Variants in UST observed in about 807,000 individuals in gnomAD.
The protein encoded by UST is chondroitin sulfate 2-O-sulfotransferase.
A neutral mutation model predicts 45.6 loss-of-function variants in UST; 21 were observed. The observed-to-expected ratio is 0.46, with a 90% CI of 0.33 to 0.66. The LOEUF (loss-of-function observed/expected upper bound fraction) is 0.66. Among genes scored for constraint, UST ranks in the 30% least tolerant of loss-of-function variants. The pLI is 0.02. For synonymous variants in UST, 215 were observed against 200.6 expected, an observed-to-expected ratio of 1.07 and a Z score of -0.61; for missense variants, 463 against 512.4, an observed-to-expected ratio of 0.90 and a Z score of 0.93.
rs192379525 is a variant in UST at position 148,979,210 on chromosome 6, G to A, written c.681+14647G>A. On this transcript the variant is annotated intron_variant, in intron 5 of 7. Transcript: ENST00000367463. ...AGGTTTCTGGACTGGATGTTGTCTT[G>A]TGTCCTTTCCCATGGGTGTGGTTTC... Among the ~76,000 whole-genome samples the A allele has an allele frequency of 5.2e-3, 796 of 152,218 alleles. 11 individuals carry two copies. The highest frequency in any genetic ancestry group is 0.018 in the African/African-American group (745 of 41,514).
intron 2 of UST, among the ~76,000 whole-genome samples, chr6:148,933,375 C>A (rs183999776): frequency 8.2e-4 from 125 of 152,238 alleles, no homozygotes; most frequent in Admixed American, 2.4e-3. Flanking sequence ...AACAGATAGA[C>A]CCAGATGGAC....
At chr6:149,039,211 A>G (rs1359396921) in intron 7 of UST, among the ~76,000 whole-genome samples, 1 of 152,068 alleles carries the variant, frequency 6.6e-6, no homozygotes, top group East Asian at 1.9e-4. Context: ...TGTGATGTAT[A>G]TACATATTTC....
rs142427063 is a variant in UST, at chr6:148,794,625, T to C, written c.247+46948T>C. Among the ~76,000 whole-genome samples the C allele has an allele frequency of 2.0e-5, 3 of 152,324 alleles. No individual in the cohort carries two copies. In the East Asian group the frequency reaches 5.8e-4, roughly 29 times the overall value. ...CAGCAATCCCTACTGCCAGAAAATT[T>C]AGTTCCTATGTTGCTTGCTCGATCC... On this transcript the variant is annotated intron_variant, in intron 1 of 7. Transcript: ENST00000367463.
chr6:148,905,464 C>G lies in UST; in HGVS notation c.291+18435C>G, dbSNP rs530920757. Among the ~76,000 whole-genome samples the G allele has an allele frequency of 1.4e-4, 22 of 152,338 alleles. No individual in the cohort carries two copies. The South Asian group carries it at 4.6e-3, about 32-fold the overall frequency. On this transcript the variant is annotated intron_variant, in intron 2 of 7. Transcript: ENST00000367463. ...AATTGTCAATGTATCCCCCTAAAAC[C>G]TAGGGTAGAGCAAAACCAGCTGGAC...
At chr6:148,766,489 C>G (rs1395902869) in intron 1 of UST, among the ~76,000 whole-genome samples, 1 of 152,144 alleles carries the variant, frequency 6.6e-6, no homozygotes, top group Non-Finnish European at 1.5e-5. Context: ...CATCAAGCAC[C>G]AGTTATATGC....
At chr6:149,027,542 C>T (rs1222871698) in intron 7 of UST, among the ~76,000 whole-genome samples, 1 of 152,200 alleles carries the variant, frequency 6.6e-6, no homozygotes, top group Non-Finnish European at 1.5e-5. Context: ...CTTTTACCCC[C>T]TCAAAAATAT....
intron 1 of UST, among the ~76,000 whole-genome samples, chr6:148,808,208 C>T (rs1480532102): frequency 2.6e-5 from 4 of 152,152 alleles, no homozygotes; most frequent in South Asian, 2.1e-4. Flanking sequence ...CCAGGCAGGC[C>T]GTGAGGGAGC....
intron 2 of UST, among the ~76,000 whole-genome samples, chr6:148,898,119 G>C (rs1779172320): frequency 6.6e-6 from 1 of 152,224 alleles, no homozygotes; most frequent in Non-Finnish European, 1.5e-5. Context: ...AATATATCAG[G>C]TTTAGAGAAA....
chr6:149,013,807 C>T (rs1354191662), intron 5 of UST, among the ~76,000 whole-genome samples: 1 of 152,222 alleles, frequency 6.6e-6, no homozygotes, highest in Admixed American at 6.5e-5. Context: ...ATGGACAAAA[C>T]TGATCCATGT....
chr6:149,069,679 T>C (rs1776790032), intron 7 of UST, among the ~76,000 whole-genome samples: 1 of 152,098 alleles, frequency 6.6e-6, no homozygotes, highest in South Asian at 2.1e-4. Flanking sequence ...GAACTAGGAG[T>C]AACCTTATGG....
intron 2 of UST, among the ~76,000 whole-genome samples, chr6:148,892,060 G>A (rs959069882): frequency 6.6e-5 from 10 of 152,164 alleles, no homozygotes; most frequent in African/African-American, 2.4e-4. Flanking sequence ...CCTCTTGAAC[G>A]ACTGACTGTA....
At chr6:148,831,807 A>G (rs1176553810) in intron 1 of UST, among the ~76,000 whole-genome samples, 1 of 152,050 alleles carries the variant, frequency 6.6e-6, no homozygotes, top group African/African-American at 2.4e-5. Context: ...AAAAATAAAA[A>G]AAAGAAAGTA....
Position 148,918,601 on chromosome 6 carries a change from G to T in UST, c.292-22678G>T, listed in dbSNP as rs555976884. ...TTATTCTTACTTGCATTCTCATGAT[G>T]ATTAAAATATCACAGGAAATGTGTG... On this transcript the variant is annotated intron_variant, in intron 2 of 7. Transcript: ENST00000367463. 2.0e-5 allele frequency among the ~76,000 whole-genome samples: 3 copies of T among 152,200 alleles called. No homozygotes were observed. The East Asian group carries it at 5.8e-4, about 29-fold the overall frequency.
In UST at chr6:148,790,164, A is replaced by T. The variant is rs1359969270; in HGVS notation, c.247+42487A>T. On this transcript the variant is annotated intron_variant, in intron 1 of 7. Coordinates refer to ENST00000367463, the MANE Select transcript of UST (RefSeq NM_005715.3). The surrounding 1 kb of genome is among the most constrained non-coding windows in gnomAD (Gnocchi z 4.2). The stretch of plus-strand genomic sequence containing the variant: ...TGTAGCTCGTTCCCTGACAGTGTTC[A>T]TGTAGCGTCTCCTCCTAAGGCGGCA... 6.6e-6 allele frequency among the ~76,000 whole-genome samples: 1 copy of T among 152,114 alleles called. No homozygotes were observed. Among genetic ancestry groups the T allele is most frequent in the Non-Finnish European group, 1.5e-5 (1 of 68,026 alleles).
chr6:148,770,057 C>T lies in UST; in HGVS notation c.247+22380C>T, dbSNP rs114989667. Among the ~76,000 whole-genome samples the T allele has an allele frequency of 5.8e-3, 888 of 151,940 alleles. 14 individuals are homozygous for T. The highest frequency in any genetic ancestry group is 0.02 in the African/African-American group (839 of 41,402). ...TAAGAGTTCTAAAACATTGACCCTG[C>T]GATCATTGGATAAGATTTTAATTTT... On this transcript the variant is annotated intron_variant, in intron 1 of 7. Transcript: ENST00000367463.
rs776297482 is a variant in UST, at chr6:149,006,105, T to G, written c.682-13034T>G. Reference sequence around the variant, plus strand: ...ATATTTTATGAATTTTATTTTAAGTTCCAGGATACCTGTGCAGGACATGCA... The same window carrying G: ...ATATTTTATGAATTTTATTTTAAGTGCCAGGATACCTGTGCAGGACATGCA... On this transcript the variant is annotated intron_variant, in intron 5 of 7. Coordinates refer to ENST00000367463, the MANE Select transcript of UST (RefSeq NM_005715.3). Among the ~76,000 whole-genome samples, 163 of 152,206 alleles carry G rather than the reference T, an allele frequency of 1.1e-3. 2 individuals carry two copies. The highest frequency in any genetic ancestry group is 1.1e-3 in the Non-Finnish European group (76 of 68,040).
intron 7 of UST, among the ~76,000 whole-genome samples, chr6:149,050,912 G>T (rs1236388089): frequency 6.6e-6 from 1 of 152,166 alleles, no homozygotes; most frequent in Non-Finnish European, 1.5e-5. Context: ...TCTTTCCTTT[G>T]TTGAAAGTGT....
At chr6:149,006,018 T>C (rs539398189) in intron 5 of UST, among the ~76,000 whole-genome samples, 83 of 152,242 alleles carry the variant, frequency 5.5e-4, no homozygotes, top group African/African-American at 1.9e-3. Context: ...CTGAAAACAA[T>C]TGGACAGGAC....
At chr6:149,007,534 C>T (rs1236467308) in intron 5 of UST, among the ~76,000 whole-genome samples, 3 of 150,892 alleles carry the variant, frequency 2.0e-5, no homozygotes, top group East Asian at 2.0e-4. Context: ...ATGATCCGCC[C>T]GTCTCGGCCT....
Sources: gnomAD v4.1 joint callset for allele counts (sites outside exome capture counted in the v4.1 genomes callset) on GRCh38, gnomAD v4.1.1 for gene constraint, Gnocchi (gnomAD v3.1) non-coding constraint, MANE v1.5 for transcripts, NCBI Gene and HGNC (gene_info 2026-07-23, HGNC 2026-07-21) for gene names.